The following WDR19 variants were observed in gnomAD, a reference collection of about 807,000 sequenced individuals.
WDR19 encodes the protein WD repeat domain 19, also known as WD repeat-containing protein 19.
Under a neutral mutation model 180.0 loss-of-function variants are expected in WDR19, and 121 were observed. The observed-to-expected ratio is 0.67, with a 90% CI of 0.58 to 0.78. WDR19 has a LOEUF of 0.78. WDR19 is among the 30% of genes least tolerant of loss of function. The pLI is 0.00. For synonymous variants in WDR19, 497 were observed against 540.7 expected, an observed-to-expected ratio of 0.92 and a Z score of 1.12; for missense variants, 1,450 against 1,640.7, an observed-to-expected ratio of 0.88 and a Z score of 2.01.
At chr4:39,217,956 G>A (rs1486182103) in intron 13 of WDR19, 27 bp from the exon 14 acceptor site, 2 of 1,611,048 alleles carry the variant, frequency 1.2e-6, no homozygotes, top group African/African-American at 2.7e-5. Flanking sequence ...ATAAATCTGT[G>A]AGCCATTATT....
chr4:39,217,558 G>A (rs1284622165), intron 13 of WDR19, among the ~76,000 whole-genome samples: 1 of 152,078 alleles, frequency 6.6e-6, no homozygotes, highest in East Asian at 1.9e-4. Flanking sequence ...AAAACCTGAT[G>A]GGAATGCCAT....
At chr4:39,270,121 T>C (rs1309377437) in intron 31 of WDR19, 21 bp downstream of exon 31, 1 of 1,612,178 alleles carries the variant, frequency 6.2e-7, no homozygotes, top group East Asian at 2.2e-5. Flanking sequence ...TGGAGTGACT[T>C]GGGACATAAC....
intron 9 of WDR19, among the ~76,000 whole-genome samples, chr4:39,207,956 A>G (rs1728120491): frequency 6.6e-6 from 1 of 152,164 alleles, no homozygotes; most frequent in Non-Finnish European, 1.5e-5. Flanking sequence ...AGACAACTAT[A>G]CTATAAAGGG....
At chr4:39,258,255 C>T (rs780978993) in intron 28 of WDR19, among the ~76,000 whole-genome samples, 1 of 152,038 alleles carries the variant, frequency 6.6e-6, no homozygotes, top group East Asian at 1.9e-4. Flanking sequence ...CAGTTTCAAG[C>T]GATTCTTCTG....
intron 13 of WDR19, 63 bp from the exon 14 acceptor site, chr4:39,217,920 A>C (rs1729238616): frequency 6.3e-7 from 1 of 1,581,154 alleles, no homozygotes; most frequent in South Asian, 1.2e-5. Context: ...AGACACCCCT[A>C]GATGTTGTAT....
chr4:39,274,804 G>A lies in WDR19; in HGVS notation c.3566-4G>A. On this transcript the variant is annotated splice_polypyrimidine_tract_variant and splice_region_variant and intron_variant, in intron 32 of 36. Coordinates refer to ENST00000399820, the MANE Select transcript of WDR19 (RefSeq NM_025132.4). Reference sequence around the variant, plus strand: ...TGTTGCTGCTCTCCCCTTTTCTCTTGCAGACATTGTACCCATCCTGACGTC... The same window carrying A: ...TGTTGCTGCTCTCCCCTTTTCTCTTACAGACATTGTACCCATCCTGACGTC... 1 of 1,609,912 alleles carries A rather than the reference G, an allele frequency of 6.2e-7. No individual in the cohort carries two copies. The highest frequency in any genetic ancestry group is 8.5e-7 in the Non-Finnish European group (1 of 1,176,536).
At chr4:39,239,245 G>A (rs1213688250) in intron 20 of WDR19, among the ~76,000 whole-genome samples, 2 of 151,928 alleles carry the variant, frequency 1.3e-5, no homozygotes, top group African/African-American at 2.4e-5. Context: ...CAAAGTGCTG[G>A]GATTACAGGT....
At chr4:39,270,670 G>A (rs780182354) in intron 31 of WDR19, among the ~76,000 whole-genome samples, 19 of 152,086 alleles carry the variant, frequency 1.2e-4, no homozygotes, top group Admixed American at 2.0e-4. Context: ...GAGCCACCAC[G>A]CTCAGCTTTC....
rs569996263 is a variant in WDR19 at position 39,283,593 on chromosome 4, T to A, written c.*14-1894T>A. 2.0e-5 allele frequency among the ~76,000 whole-genome samples: 3 copies of A among 152,148 alleles called. No individual in the cohort carries two copies. In the East Asian group the frequency reaches 5.8e-4, roughly 29 times the overall value. ...AATTTTGTACTTGATTAATATCCTA[T>A]TATATATATACACACACACACAAAT... is the stretch of plus-strand genomic sequence containing the variant. On this transcript the variant is annotated intron_variant, in intron 36 of 36. Coordinates refer to ENST00000399820, the MANE Select transcript of WDR19 (RefSeq NM_025132.4).
At chr4:39,214,545 AAC>A (rs1728863856) in intron 9 of WDR19, 54 bp from the exon 10 acceptor site, 1 of 1,069,842 alleles carries the variant, frequency 9.3e-7, no homozygotes, top group Non-Finnish European at 1.4e-6. Flanking sequence ...TGTGAATTAA[AAC>A]AGTTTTATAT....
At chr4:39,229,973 C>G (rs1337106287) in intron 17 of WDR19, among the ~76,000 whole-genome samples, 1 of 152,182 alleles carries the variant, frequency 6.6e-6, no homozygotes, top group Non-Finnish European at 1.5e-5. Flanking sequence ...AGGCCCTCAC[C>G]TGGAATAATG....
At chr4:39,227,677 C>T (rs559177796) in intron 15 of WDR19, among the ~76,000 whole-genome samples, 21 of 152,060 alleles carry the variant, frequency 1.4e-4, no homozygotes, top group Non-Finnish European at 2.9e-4. Flanking sequence ...TTTTGCTATC[C>T]GTGGGAGATC....
At position 39,285,264 on chromosome 4, in the gene WDR19, C is replaced by CAA. The variant is rs377498817; in HGVS notation, c.*14-221_*14-220dup. On this transcript the variant is annotated intron_variant, in intron 36 of 36. Coordinates refer to ENST00000399820, the MANE Select transcript of WDR19 (RefSeq NM_025132.4). ...TATCATCAGCATCCTTACTTCATTA[C>CAA]AAAGGCTCAAGAGCTTACCCACACA... is the stretch of plus-strand genomic sequence containing the variant. Among the ~76,000 whole-genome samples, 624 of 152,262 alleles carry CAA rather than the reference C, an allele frequency of 4.1e-3. 2 individuals carry two copies. The highest frequency in any genetic ancestry group is 0.014 in the African/African-American group (571 of 41,540).
chr4:39,256,285 A>G (rs1733753733), intron 27 of WDR19, among the ~76,000 whole-genome samples: 1 of 152,150 alleles, frequency 6.6e-6, no homozygotes, highest in Admixed American at 6.5e-5. Flanking sequence ...GTCATCCTTC[A>G]CTTTGTTCCC....
chr4:39,195,446 C>G (rs1384932251), intron 5 of WDR19, among the ~76,000 whole-genome samples: 1 of 151,838 alleles, frequency 6.6e-6, no homozygotes, highest in African/African-American at 2.4e-5. Context: ...AATTCTGACC[C>G]CTCACCTTCT....
At chr4:39,255,824 T>A in intron 26 of WDR19, 24 bp from the exon 27 acceptor site, 1 of 1,420,542 alleles carries the variant, frequency 7.0e-7, no homozygotes, top group Non-Finnish European at 9.5e-7. Flanking sequence ...CTCAGATATT[T>A]TACTCAGTAA....
intron 9 of WDR19, among the ~76,000 whole-genome samples, chr4:39,211,989 G>T (rs973365295): frequency 6.9e-6 from 1 of 144,282 alleles, no homozygotes; most frequent in Non-Finnish European, 1.5e-5. Context: ...GAGAGAGATA[G>T]ATAGATGTAG....
intron 5 of WDR19, among the ~76,000 whole-genome samples, chr4:39,198,402 C>CA (rs945269099): frequency 5.4e-5 from 8 of 148,938 alleles, no homozygotes; most frequent in African/African-American, 1.2e-4. Context: ...ACTAAAAATA[C>CA]AAAAAAAAAT....
intron 9 of WDR19, among the ~76,000 whole-genome samples, chr4:39,208,303 A>ATT (rs34189923): frequency 1.4e-4 from 14 of 103,362 alleles, no homozygotes; most frequent in Middle Eastern, 4.9e-3. Flanking sequence ...GACTGAGTGG[A>ATT]TTTTTTTTTT....
Sources: gnomAD v4.1 joint callset for allele counts (sites outside exome capture counted in the v4.1 genomes callset) on GRCh38, gnomAD v4.1.1 for gene constraint, MANE v1.5 for transcripts, NCBI Gene and HGNC (gene_info 2026-07-23, HGNC 2026-07-21) for gene names.